PAPOLG: variants seen among roughly 807,000 people sequenced by gnomAD.
PAPOLG encodes poly(A) polymerase gamma.
PAPOLG carries 40 observed loss-of-function variants against 99.0 expected under a neutral mutation model. The observed-to-expected ratio is 0.40, with a 90% CI of 0.31 to 0.53. PAPOLG has a LOEUF of 0.53. PAPOLG is among the 20% of genes least tolerant of loss of function. PAPOLG has a pLI of 0.41. For synonymous variants in PAPOLG, 310 were observed against 299.3 expected, an observed-to-expected ratio of 1.04 and a Z score of -0.37; for missense variants, 675 against 884.1, an observed-to-expected ratio of 0.76 and a Z score of 3.00.
rs1671759624 is a variant in PAPOLG, at chr2:60,797,833, T to A, written c.*673T>A. ...AGGGAAGATTAGTCCAGTGATTACA[T>A]AAGAGTTGGGCACCATAAATTCTCT... On this transcript the variant is annotated 3_prime_UTR_variant, in exon 22 of 22. Coordinates refer to ENST00000238714, the MANE Select transcript of PAPOLG (RefSeq NM_022894.4). 6.5e-6 allele frequency: 1 copy of A among 152,792 alleles called. No homozygotes were observed. The highest frequency in any genetic ancestry group is 2.4e-5 in the African/African-American group (1 of 41,460). The allele number at this position is 152,792 out of a possible 1,614,324, so 9.5% of individuals were successfully genotyped here.
At chr2:60,789,902 C>T (rs12476657) in intron 15 of PAPOLG, among the ~76,000 whole-genome samples, 15,323 of 152,172 alleles carry the variant, frequency 0.1, 764 homozygotes, top group Middle Eastern at 0.14. Flanking sequence ...CCAACCTGGC[C>T]AACATGGTGA....
At chr2:60,765,065 T>C (rs1017368589) in intron 3 of PAPOLG, among the ~76,000 whole-genome samples, 2 of 151,968 alleles carry the variant, frequency 1.3e-5, no homozygotes, top group Non-Finnish European at 2.9e-5. Flanking sequence ...AATTGTCTCT[T>C]TTGTGTGGGG....
Position 60,798,614 on chromosome 2 carries a change from G to A in PAPOLG, c.*1454G>A, listed in dbSNP as rs1671780630. ...CACTCAGCATTTAGTAGGTCCAGTAGGAAAAACCCAAAATGGTACATTGAG... is the reference window on the plus strand; with the variant it reads ...CACTCAGCATTTAGTAGGTCCAGTAAGAAAAACCCAAAATGGTACATTGAG... On this transcript the variant is annotated 3_prime_UTR_variant, in exon 22 of 22. Transcript: ENST00000238714. The A allele has an allele frequency of 1.3e-5, 2 of 152,308 alleles. No homozygotes were observed. The highest frequency in any genetic ancestry group is 4.8e-5 in the African/African-American group (2 of 41,424). The allele number at this position is 152,308 out of a possible 1,614,324, so 9.4% of individuals were successfully genotyped here.
chr2:60,764,226 C>T (rs561687877), intron 3 of PAPOLG, among the ~76,000 whole-genome samples: 37 of 152,240 alleles, frequency 2.4e-4, no homozygotes, highest in African/African-American at 8.2e-4. Context: ...CTAGGTAGCC[C>T]ATACTGTTAT....
intron 13 of PAPOLG, among the ~76,000 whole-genome samples, chr2:60,786,416 A>G (rs1396762587): frequency 6.6e-6 from 1 of 151,812 alleles, no homozygotes; most frequent in African/African-American, 2.4e-5. Context: ...TTTTTAGTAA[A>G]GACAGGGTTT....
intron 17 of PAPOLG, 136 bp downstream of exon 17, chr2:60,792,425 C>G (rs965696956): frequency 1.1e-6 from 1 of 871,406 alleles, no homozygotes; most frequent in Non-Finnish European, 1.7e-6. Flanking sequence ...TGGTCAATTT[C>G]TTGCTTAGAA....
At chr2:60,760,825 A>G (rs970799120) in intron 2 of PAPOLG, among the ~76,000 whole-genome samples, 3 of 152,188 alleles carry the variant, frequency 2.0e-5, no homozygotes, top group Non-Finnish European at 2.9e-5. Context: ...TGAAATGAGA[A>G]GCTATTAGGG....
chr2:60,795,326 A>G (rs911364917), intron 21 of PAPOLG: 4 of 517,374 alleles, frequency 7.7e-6, no homozygotes, highest in Non-Finnish European at 1.5e-5. Flanking sequence ...TTTCTTACCA[A>G]GCACCTGGAG....
At chr2:60,778,266 C>A (rs1298311427) in intron 8 of PAPOLG, among the ~76,000 whole-genome samples, 2 of 152,158 alleles carry the variant, frequency 1.3e-5, no homozygotes, top group African/African-American at 2.4e-5. Flanking sequence ...TCCACTCTAG[C>A]CTCCCGAGTA....
intron 21 of PAPOLG, 90 bp from the exon 22 acceptor site, chr2:60,796,972 T>C: frequency 1.3e-6 from 2 of 1,533,656 alleles, no homozygotes; most frequent in Non-Finnish European, 8.8e-7. Context: ...GGAGAAAAAC[T>C]CCCCAAGTTT....
rs1465501411 is a variant in PAPOLG at position 60,791,782 on chromosome 2, T to C, written c.1418T>C (p.Ile473Thr). ...ACAGTGTACAGACAGGCAAACAATA[T>C]AAATATGCTAAAGGAGGGAATGAAA... ...TDTVYRQANN[I>T]NMLKEGMKIE... The change falls in exon 16 of 22, where the codon ATA (isoleucine) becomes ACA (threonine). Residue 473 changes from isoleucine (I) to threonine (T), a missense_variant. Coordinates refer to ENST00000238714, the MANE Select transcript of PAPOLG (RefSeq NM_022894.4). The C allele has an allele frequency of 6.2e-7, 1 of 1,612,738 alleles. No homozygotes were observed. The highest frequency in any genetic ancestry group is 1.1e-5 in the South Asian group (1 of 90,984).
chr2:60,765,765 A>C (rs1167139645), intron 3 of PAPOLG, among the ~76,000 whole-genome samples: 1 of 152,200 alleles, frequency 6.6e-6, no homozygotes, highest in African/African-American at 2.4e-5. Flanking sequence ...ATGTGAACTA[A>C]AAGATTTTTT....
At chr2:60,768,124 CAG>C (rs984794872) in intron 3 of PAPOLG, among the ~76,000 whole-genome samples, 3 of 151,886 alleles carry the variant, frequency 2.0e-5, no homozygotes, top group African/African-American at 7.3e-5. Flanking sequence ...TTTTTTGAGA[CAG>C]AGTTTCACTC....
At chr2:60,789,043 T>A (rs960729000) in intron 15 of PAPOLG, among the ~76,000 whole-genome samples, 1 of 152,058 alleles carries the variant, frequency 6.6e-6, no homozygotes, top group Non-Finnish European at 1.5e-5. Flanking sequence ...TGGATGAAAT[T>A]GGAAATCATC....
intron 1 of PAPOLG, among the ~76,000 whole-genome samples, chr2:60,758,837 GTATGT>G (rs1670437377): frequency 6.6e-6 from 1 of 152,096 alleles, no homozygotes; most frequent in Non-Finnish European, 1.5e-5. Context: ...AATCTCTATT[GTATGT>G]TATTTTTTAC....
chr2:60,778,262 C>CT (rs1391888868), intron 8 of PAPOLG, among the ~76,000 whole-genome samples: 16 of 152,180 alleles, frequency 1.1e-4, no homozygotes. Flanking sequence ...TCCTTCCACT[C>CT]TAGCCTCCCG....
chr2:60,767,211 G>C (rs1403279503), intron 3 of PAPOLG, among the ~76,000 whole-genome samples: 3 of 152,098 alleles, frequency 2.0e-5, no homozygotes, highest in Admixed American at 2.0e-4. Flanking sequence ...ATATCTGACT[G>C]TTATCATTGG....
chr2:60,759,677 T>TA (rs1670466535), intron 1 of PAPOLG, among the ~76,000 whole-genome samples: 1 of 152,260 alleles, frequency 6.6e-6, no homozygotes, highest in South Asian at 2.1e-4. Flanking sequence ...AAGGACCTTC[T>TA]AATGGGATGT....
At chr2:60,790,494 C>G (rs1671498558) in intron 15 of PAPOLG, among the ~76,000 whole-genome samples, 1 of 152,000 alleles carries the variant, frequency 6.6e-6, no homozygotes, top group African/African-American at 2.4e-5. Context: ...TTAATAAAAC[C>G]TGTTTTTTCA....
Sources: allele counts gnomAD v4.1 joint callset (sites outside exome capture counted in the v4.1 genomes callset), GRCh38; gene constraint gnomAD v4.1.1; transcripts MANE v1.5; gene names NCBI Gene and HGNC (gene_info 2026-07-23, HGNC 2026-07-21).